The following TMPO variants were observed in gnomAD, a reference collection of about 807,000 sequenced individuals.
The protein encoded by TMPO is LEM domain containing 4.
In TMPO, 22 loss-of-function variants were observed where a neutral mutation model predicts 45.4. That is an observed-to-expected ratio of 0.48 (90% confidence interval 0.35 to 0.69). The LOEUF (loss-of-function observed/expected upper bound fraction) is 0.69. Among genes scored for constraint, TMPO ranks in the 30% least tolerant of loss-of-function variants. The pLI is 0.01. For missense variants in TMPO, 512 were observed against 548.8 expected, an observed-to-expected ratio of 0.93 and a Z score of 0.67; for synonymous variants, 241 against 204.1, an observed-to-expected ratio of 1.18 and a Z score of -1.54.
chr12:98,528,083 G>T (rs114397362), intron 2 of TMPO, 71 bp downstream of exon 2: 1 of 1,578,638 alleles, frequency 6.3e-7, no homozygotes, highest in African/African-American at 1.4e-5. Context: ...TCTCCTTTTT[G>T]TTTAGCAGTT....
intron 1 of TMPO, among the ~76,000 whole-genome samples, chr12:98,523,352 G>C (rs1237572475): frequency 6.6e-6 from 1 of 152,084 alleles, no homozygotes; most frequent in African/African-American, 2.4e-5. Flanking sequence ...TCAGGAATTC[G>C]AGACCAGCCT....
At chr12:98,539,559 C>T (rs1157599357) in intron 4 of TMPO, among the ~76,000 whole-genome samples, 3 of 151,070 alleles carry the variant, frequency 2.0e-5, no homozygotes, top group African/African-American at 7.3e-5. Flanking sequence ...TTGCAACCTC[C>T]GCCTCCTGGG....
At chr12:98,534,402 C>A in intron 3 of TMPO, 1 of 1,601,758 alleles carries the variant, frequency 6.2e-7, no homozygotes. Flanking sequence ...CCAACATTTT[C>A]TTTTCTGTTA....
At chr12:98,524,775 A>C (rs1267248259) in intron 1 of TMPO, among the ~76,000 whole-genome samples, 1 of 151,828 alleles carries the variant, frequency 6.6e-6, no homozygotes, top group Non-Finnish European at 1.5e-5. Context: ...TGCATTTTTA[A>C]AAGAGACGGG....
intron 1 of TMPO, among the ~76,000 whole-genome samples, chr12:98,517,015 T>G (rs1213014294): frequency 1.3e-5 from 2 of 152,174 alleles, no homozygotes; most frequent in Non-Finnish European, 2.9e-5. Flanking sequence ...TTCTCCAAGT[T>G]GGTCAGGCTG....
intron 1 of TMPO, chr12:98,516,387 C>T: frequency 1.7e-6 from 2 of 1,196,254 alleles, no homozygotes; most frequent in Non-Finnish European, 2.1e-6. Context: ...TGTGGAGTTG[C>T]GTTGGCGGCG....
At position 98,515,805 on chromosome 12, in the gene TMPO, A is replaced by G; in HGVS notation, c.-63A>G. 2 of 1,565,568 alleles carry G rather than the reference A, an allele frequency of 1.3e-6. No individual in the cohort carries two copies. The highest frequency in any genetic ancestry group is 1.7e-6 in the Non-Finnish European group (2 of 1,156,604). ...GGCAGCGCGGTCCCCGGCCAGGAGC[A>G]AGCGCGCCGGCGTGAGCGGCGGCGG... is the stretch of plus-strand genomic sequence containing the variant. On this transcript the variant is annotated 5_prime_UTR_variant, in exon 1 of 9. Transcript: ENST00000556029.
At chr12:98,527,736 G>A (rs1414119597) in intron 1 of TMPO, 150 bp from the exon 2 acceptor site, 6 of 777,634 alleles carry the variant, frequency 7.7e-6, no homozygotes, top group Non-Finnish European at 1.3e-5. Context: ...CTCCAATAAT[G>A]AGTTGCTCTT....
rs11437786 is a variant in TMPO at position 98,518,470 on chromosome 12, C to CTTTTTTTTTTTT, written c.279+2337_279+2348dup. 3.2e-4 allele frequency among the ~76,000 whole-genome samples: 27 copies of CTTTTTTTTTTTT among 83,512 alleles called. 2 individuals are homozygous for CTTTTTTTTTTTT. Among genetic ancestry groups the CTTTTTTTTTTTT allele is most frequent in the African/African-American group, 7.1e-4 (14 of 19,788 alleles). 54.8% of individuals were successfully genotyped at this position (83,512 alleles called of 152,430 possible). ...CGCTACACCCGGCTAATTTTCTAAT[C>CTTTTTTTTTTTT]TTTTTTTTTTTTTTTTTTTTTTTTG... is the stretch of plus-strand genomic sequence containing the variant. On this transcript the variant is annotated intron_variant, in intron 1 of 8. Coordinates refer to ENST00000556029, the MANE Select transcript of TMPO (RefSeq NM_001032283.3).
At chr12:98,526,957 C>CAA (rs71226765) in intron 1 of TMPO, among the ~76,000 whole-genome samples, 16 of 142,750 alleles carry the variant, frequency 1.1e-4, no homozygotes, top group South Asian at 6.6e-4. Context: ...ACTCCACCTC[C>CAA]AAAAAAAAAA....
chr12:98,532,012 A>C, intron 3 of TMPO, 174 bp downstream of exon 3: 1 of 601,736 alleles, frequency 1.7e-6, no homozygotes, highest in South Asian at 2.1e-5. Context: ...AATTCTAAGA[A>C]GCAACATAGT....
At chr12:98,546,298 A>T in intron 7 of TMPO, 61 bp from the exon 8 acceptor site, 1 of 1,098,286 alleles carries the variant, frequency 9.1e-7, no homozygotes, top group Non-Finnish European at 1.4e-6. Flanking sequence ...TTATGTTTTA[A>T]TTATTGCATG....
Position 98,545,028 on chromosome 12 carries a change from A to C in TMPO, c.957A>C (p.Arg319Ser). ...LPITEFSDIP[R>S]RAPKKPLTRA... is the part of the protein sequence containing the mutation. ...TCACTGAATTCTCAGACATACCCAG[A>C]AGAGCACCAAAGAAACCATTGACAA... Residue 319 changes from arginine to serine, a missense_variant, in exon 7 of 9, where the codon AGA becomes AGC. By Grantham distance (110) the Arg-to-Ser change is moderately radical (BLOSUM62 -1). This residue lies in a region of TMPO where 209 missense variants were observed against 235.1 expected (regional missense o/e 0.89). Transcript: ENST00000556029. The C allele has an allele frequency of 6.2e-7, 1 of 1,613,770 alleles. No individual in the cohort carries two copies. Among genetic ancestry groups the C allele is most frequent in the Non-Finnish European group, 8.5e-7 (1 of 1,179,826 alleles).
chr12:98,533,321 G>C, intron 3 of TMPO: 1 of 1,614,144 alleles, frequency 6.2e-7, no homozygotes, highest in Non-Finnish European at 8.5e-7. Context: ...CCTCTCTCCA[G>C]TAAAAGGAAA....
intron 3 of TMPO, chr12:98,534,464 C>T (rs1391237289): frequency 1.1e-5 from 17 of 1,536,148 alleles, no homozygotes; most frequent in Non-Finnish European, 1.5e-5. Flanking sequence ...AAGCTTCTAC[C>T]CATCAAATTA....
intron 1 of TMPO, among the ~76,000 whole-genome samples, chr12:98,522,643 T>A (rs1282334676): frequency 6.6e-6 from 1 of 152,230 alleles, no homozygotes; most frequent in East Asian, 1.9e-4. Context: ...ATTAAATGAT[T>A]TCTGAATTTT....
In TMPO at chr12:98,524,755, G is replaced by A. The variant is rs554636673; in HGVS notation, c.280-3131G>A. On this transcript the variant is annotated intron_variant, in intron 1 of 8. Coordinates refer to ENST00000556029, the MANE Select transcript of TMPO (RefSeq NM_001032283.3). ...ATTACAGGCATGTGCCACCACACCC[G>A]GCTAATTTTTGCATTTTTAAAAGAG... Among the ~76,000 whole-genome samples, 307 of 152,104 alleles carry A rather than the reference G, an allele frequency of 2.0e-3. 1 individual carries two copies. The highest frequency in any genetic ancestry group is 6.3e-3 in the African/African-American group (262 of 41,524).
At position 98,524,782 on chromosome 12, in the gene TMPO, C is replaced by T. The variant is rs1229121715; in HGVS notation, c.280-3104C>T. On this transcript the variant is annotated intron_variant, in intron 1 of 8. Coordinates refer to ENST00000556029, the MANE Select transcript of TMPO (RefSeq NM_001032283.3). ...CTAATTTTTGCATTTTTAAAAGAGA[C>T]GGGGTTTCACCGTGTTGGCCATGCT... Among the ~76,000 whole-genome samples the T allele has an allele frequency of 4.6e-5, 7 of 151,998 alleles. No homozygotes were observed. The East Asian group carries it at 7.8e-4, about 17-fold the overall frequency.
At chr12:98,519,484 C>T (rs976134581) in intron 1 of TMPO, among the ~76,000 whole-genome samples, 3 of 152,156 alleles carry the variant, frequency 2.0e-5, no homozygotes, top group Admixed American at 6.5e-5. Flanking sequence ...CAAGGATGAG[C>T]GACGGCACCC....
Sources: allele counts gnomAD v4.1 joint callset (sites outside exome capture counted in the v4.1 genomes callset), GRCh38; gene constraint gnomAD v4.1.1; regional missense constraint gnomAD v4.1.1; transcripts MANE v1.5; gene names NCBI Gene and HGNC (gene_info 2026-07-23, HGNC 2026-07-21).